Variants in DOCK5 observed in about 807,000 individuals in gnomAD.
DOCK5 encodes dedicator of cytokinesis 5, also known as dedicator of cytokinesis protein 5.
A neutral mutation model predicts 251.8 loss-of-function variants in DOCK5; 142 were observed. The observed-to-expected ratio is 0.56, with a 90% CI of 0.49 to 0.65. DOCK5 has a LOEUF of 0.65. Among genes scored for constraint, DOCK5 ranks in the 30% least tolerant of loss-of-function variants. DOCK5 has a pLI of 0.00. For missense variants in DOCK5, 2,111 were observed against 2,312.3 expected (o/e 0.91, Z 1.79); for synonymous variants, 842 against 835.5 (o/e 1.01, Z -0.13).
intron 1 of DOCK5, among the ~76,000 whole-genome samples, chr8:25,235,448 A>C (rs1258742610): frequency 6.6e-6 from 1 of 152,108 alleles, no homozygotes; most frequent in Non-Finnish European, 1.5e-5. Context: ...TTTTTGAGAC[A>C]GGGTCTCCCT....
At chr8:25,235,799 C>CTTT (rs924321586) in intron 1 of DOCK5, among the ~76,000 whole-genome samples, 14 of 128,598 alleles carry the variant, frequency 1.1e-4, no homozygotes, top group Non-Finnish European at 1.5e-4. Flanking sequence ...TTTTCTTTTC[C>CTTT]TTTTTTTTTT....
Position 25,249,249 on chromosome 8 carries a change from C to T in DOCK5, c.127+5492C>T, listed in dbSNP as rs141446903. Among the ~76,000 whole-genome samples the T allele has an allele frequency of 3.5e-3, 539 of 152,318 alleles. 1 individual carries two copies. The highest frequency in any genetic ancestry group is 0.012 in the African/African-American group (516 of 41,570). On this transcript the variant is annotated intron_variant, in intron 2 of 51. Coordinates refer to ENST00000276440, the MANE Select transcript of DOCK5 (RefSeq NM_024940.8). ...CTCCCGGCCCTTAGCGATCCTTCCACCTCGGCCTCCCAGAGTATAGGGATT... is the reference window on the plus strand; with the variant it reads ...CTCCCGGCCCTTAGCGATCCTTCCATCTCGGCCTCCCAGAGTATAGGGATT...
intron 2 of DOCK5, among the ~76,000 whole-genome samples, chr8:25,248,623 A>G (rs901155855): frequency 3.3e-5 from 5 of 151,494 alleles, no homozygotes; most frequent in African/African-American, 1.2e-4. Context: ...TTTTCTGCCC[A>G]CCGCCCGGGA....
At chr8:25,390,323 G>T in intron 42 of DOCK5, 36 bp downstream of exon 42, 3 of 1,411,724 alleles carry the variant, frequency 2.1e-6, no homozygotes, top group South Asian at 2.5e-5. Context: ...AAAAAAATCT[G>T]TGTCTAGGCA....
chr8:25,287,423 T>TA (rs1057133714), intron 5 of DOCK5, among the ~76,000 whole-genome samples: 11 of 148,462 alleles, frequency 7.4e-5, no homozygotes, highest in South Asian at 2.1e-4. Context: ...GAGACTCCAT[T>TA]AAAAAAAAAA....
chr8:25,288,636 C>T (rs1441697453), intron 5 of DOCK5, among the ~76,000 whole-genome samples: 2 of 152,200 alleles, frequency 1.3e-5, no homozygotes, highest in African/African-American at 4.8e-5. Context: ...CATTAGAAAA[C>T]ACTTTGAATA....
chr8:25,197,525 A>G (rs1210591712), intron 1 of DOCK5, among the ~76,000 whole-genome samples: 1 of 149,644 alleles, frequency 6.7e-6, no homozygotes, highest in Non-Finnish European at 1.5e-5. Context: ...TCCACATCAG[A>G]TAATAGTTGG....
chr8:25,203,069 T>A (rs1452995917), intron 1 of DOCK5, among the ~76,000 whole-genome samples: 1 of 152,096 alleles, frequency 6.6e-6, no homozygotes, highest in Non-Finnish European at 1.5e-5. Flanking sequence ...ACCAAATACA[T>A]CTCCAGTGTC....
intron 2 of DOCK5, among the ~76,000 whole-genome samples, chr8:25,263,930 T>G (rs900431626): frequency 6.6e-6 from 1 of 151,942 alleles, no homozygotes; most frequent in Admixed American, 6.5e-5. Context: ...AAGGTTTTCC[T>G]TTCTTCAATC....
Position 25,376,489 on chromosome 8 carries a change from T to C in DOCK5, c.3817-816T>C, listed in dbSNP as rs1014762429. The C allele has an allele frequency of 2.1e-4, 122 of 584,548 alleles. 2 individuals are homozygous for C. Among genetic ancestry groups the C allele is most frequent in the East Asian group, 4.3e-4 (3 of 6,960 alleles). The allele number at this position is 584,548 out of a possible 1,614,324, so 36.2% of individuals were successfully genotyped here. On this transcript the variant is annotated intron_variant, in intron 37 of 51. Coordinates refer to ENST00000276440, the MANE Select transcript of DOCK5 (RefSeq NM_024940.8). ...ACCATACTGTATTAATTATTAATTC[T>C]TGATAGTGTGTTTTATGACCTGGTA...
chr8:25,401,548 C>T, intron 47 of DOCK5, among the ~76,000 whole-genome samples: 1 of 152,102 alleles, frequency 6.6e-6, no homozygotes, highest in East Asian at 1.9e-4. Context: ...GCCTGGCCAA[C>T]ATGGTGAAAC....
chr8:25,276,029 A>G (rs1488801355), intron 4 of DOCK5, among the ~76,000 whole-genome samples: 1 of 152,082 alleles, frequency 6.6e-6, no homozygotes, highest in African/African-American at 2.4e-5. Context: ...TTGCCTCTAC[A>G]TTACATTTAT....
intron 2 of DOCK5, among the ~76,000 whole-genome samples, chr8:25,254,333 A>G (rs1451677843): frequency 6.6e-6 from 1 of 152,228 alleles, no homozygotes; most frequent in Non-Finnish European, 1.5e-5. Flanking sequence ...ATATGGGGGT[A>G]ACTTTTTAGA....
chr8:25,325,316 T>G, intron 17 of DOCK5, 48 bp from the exon 18 acceptor site: 1 of 1,585,840 alleles, frequency 6.3e-7, no homozygotes, highest in South Asian at 1.1e-5. Context: ...TATTTGCATA[T>G]AAGAGATTTT....
At chr8:25,321,428 T>G (rs1302059191) in intron 16 of DOCK5, among the ~76,000 whole-genome samples, 1 of 151,822 alleles carries the variant, frequency 6.6e-6, no homozygotes, top group Non-Finnish European at 1.5e-5. Flanking sequence ...CTTATTACAT[T>G]GTAATATATA....
chr8:25,327,403 A>T (rs1805587159), intron 18 of DOCK5, among the ~76,000 whole-genome samples: 1 of 152,242 alleles, frequency 6.6e-6, no homozygotes, highest in South Asian at 2.1e-4. Flanking sequence ...TTTGAGAGGG[A>T]TAACACTTAT....
intron 18 of DOCK5, among the ~76,000 whole-genome samples, chr8:25,326,607 A>G (rs2117208992): frequency 6.6e-6 from 1 of 152,368 alleles, no homozygotes; most frequent in South Asian, 2.1e-4. Flanking sequence ...AAGCGAATCC[A>G]TTAACAATGA....
At chr8:25,335,966 A>G (rs1414010218) in intron 21 of DOCK5, among the ~76,000 whole-genome samples, 3 of 152,258 alleles carry the variant, frequency 2.0e-5, no homozygotes, top group Non-Finnish European at 4.4e-5. Context: ...GGTCACTTCA[A>G]CCATTTCATT....
chr8:25,327,010 G>A (rs986965711), intron 18 of DOCK5, among the ~76,000 whole-genome samples: 1 of 152,292 alleles, frequency 6.6e-6, no homozygotes, highest in East Asian at 1.9e-4. Flanking sequence ...AGATTGCCTG[G>A]CTTCAAATCC....
Sources: allele counts gnomAD v4.1 joint callset (sites outside exome capture counted in the v4.1 genomes callset), GRCh38; gene constraint gnomAD v4.1.1; transcripts MANE v1.5; gene names NCBI Gene and HGNC (gene_info 2026-07-23, HGNC 2026-07-21).